Variants in SAFB observed in about 807,000 individuals in gnomAD.
SAFB encodes the protein scaffold attachment factor B.
Under a neutral mutation model 101.6 loss-of-function variants are expected in SAFB, and 15 were observed. The observed-to-expected ratio is 0.15, with a 90% CI of 0.10 to 0.23. The LOEUF is 0.23. SAFB is among the 10% of genes least tolerant of loss of function. The pLI is 1.00. For missense variants in SAFB, 930 were observed against 1,104.1 expected, an observed-to-expected ratio of 0.84 and a Z score of 2.23; for synonymous variants, 449 against 407.5, an observed-to-expected ratio of 1.10 and a Z score of -1.23.
chr19:5,653,819 C>T (rs1468778541), intron 11 of SAFB, among the ~76,000 whole-genome samples: 2 of 151,850 alleles, frequency 1.3e-5, no homozygotes, highest in African/African-American at 4.8e-5. Flanking sequence ...TGTGCAGTGG[C>T]AAGATCTCTT....
intron 16 of SAFB, 93 bp downstream of exon 16, chr19:5,664,252 G>A (rs760281072): frequency 1.7e-4 from 247 of 1,476,168 alleles, no homozygotes; most frequent in Non-Finnish European, 2.3e-4. Flanking sequence ...AACCCACTCC[G>A]TTCATCAGAT....
At chr19:5,642,175 T>C (rs1015815416) in intron 4 of SAFB, 2 of 581,904 alleles carry the variant, frequency 3.4e-6, no homozygotes, top group Non-Finnish European at 3.2e-6. Flanking sequence ...TATGAGACAT[T>C]TTGAGGACAA....
chr19:5,633,455 C>T (rs2053530922), intron 2 of SAFB, among the ~76,000 whole-genome samples: 1 of 152,172 alleles, frequency 6.6e-6, no homozygotes, highest in Admixed American at 6.5e-5. Flanking sequence ...CTTCCAGGTG[C>T]CCTGGGCCCT....
intron 17 of SAFB, chr19:5,666,823 T>C (rs1414104487): frequency 1.6e-6 from 1 of 619,012 alleles, no homozygotes. Flanking sequence ...TGGAGATGCC[T>C]TGGTACTAGT....
chr19:5,667,220 G>T lies in SAFB; in HGVS notation c.2453+56G>T, dbSNP rs1300391958. 1 of 1,222,064 alleles carries T rather than the reference G, an allele frequency of 8.2e-7. No individual in the cohort carries two copies. Among genetic ancestry groups the T allele is most frequent in the South Asian group, 1.4e-5 (1 of 70,864 alleles). 75.7% of individuals were successfully genotyped at this position (1,222,064 alleles called of 1,614,324 possible). On this transcript the variant is annotated intron_variant, in intron 18 of 20. Coordinates refer to ENST00000588852, the MANE Select transcript of SAFB (RefSeq NM_001201338.2). The surrounding 1 kb of genome is among the most constrained non-coding windows in gnomAD (Gnocchi z 4.0). ...CCCCCCCCCGCCCACAAGGGGGCCC[G>T]CAAGTCGCTGGGATGTGGGCACAGG...
rs745798237 is a variant in SAFB at position 5,667,106 on chromosome 19, G to A, written c.2395G>A (p.Gly799Arg). The A allele has an allele frequency of 6.2e-7, 1 of 1,612,936 alleles. No individual in the cohort carries two copies. Among genetic ancestry groups the A allele is most frequent in the Non-Finnish European group, 8.5e-7 (1 of 1,179,658 alleles). The change falls in exon 18 of 21, where the codon GGG (glycine) becomes AGG (arginine). Residue 799 changes from glycine (G) to arginine (R), a missense_variant. Transcript: ENST00000588852. This position sits in a 1 kb window ranked among gnomAD's most constrained non-coding sequence, Gnocchi z 4.0. The stretch of plus-strand genomic sequence containing the variant: ...CGGCCGGGACTCCCGCGATGGCTGG[G>A]GGGGCTATGGCTCTGACAAGAGGAT... ...RHGRDSRDGW[G>R]GYGSDKRMSE... is the part of the protein sequence containing the mutation.
intron 2 of SAFB, among the ~76,000 whole-genome samples, chr19:5,629,096 A>G (rs760377948): frequency 6.6e-6 from 1 of 152,194 alleles, no homozygotes; most frequent in Non-Finnish European, 1.5e-5. Context: ...TGCGCCCGGC[A>G]GGTTTTAAAA....
At chr19:5,658,933 T>A (rs1175856087) in intron 14 of SAFB, among the ~76,000 whole-genome samples, 1 of 151,888 alleles carries the variant, frequency 6.6e-6, no homozygotes, top group Non-Finnish European at 1.5e-5. Flanking sequence ...GATCACAAGG[T>A]CAGGAGTTCA....
chr19:5,651,559 C>T (rs1330381590), intron 9 of SAFB, among the ~76,000 whole-genome samples: 1 of 152,224 alleles, frequency 6.6e-6, no homozygotes. Flanking sequence ...GTTGCTGCCT[C>T]AGTTCACCAC....
chr19:5,626,450 T>C lies in SAFB; in HGVS notation c.235T>C (p.Ser79Pro). ...GGNPDEIEIT[S>P]EGNKKTSKRS... ...TAATCCTGACGAAATTGAAATTACC[T>C]CCGAGGGAAACAAGAAAACATCAAA... Residue 79 changes from serine to proline, a missense_variant, in exon 2 of 21, where the codon TCC becomes CCC. By Grantham distance (74) the Ser-to-Pro change is moderately conservative. This residue lies in a region of SAFB where 119 missense variants were observed against 171.4 expected (regional missense o/e 0.69). Transcript: ENST00000588852. 1 of 1,611,038 alleles carries C rather than the reference T, an allele frequency of 6.2e-7. No individual in the cohort carries two copies. The highest frequency in any genetic ancestry group is 1.1e-5 in the South Asian group (1 of 90,974).
intron 9 of SAFB, 69 bp from the exon 10 acceptor site, chr19:5,653,046 G>T: frequency 2.6e-6 from 4 of 1,520,528 alleles, no homozygotes; most frequent in South Asian, 1.2e-5. Context: ...TCCCTGTGGG[G>T]TGTTCATATC....
At chr19:5,661,069 G>A (rs1288372268) in intron 14 of SAFB, among the ~76,000 whole-genome samples, 11 of 149,538 alleles carry the variant, frequency 7.4e-5, no homozygotes, top group South Asian at 2.1e-4. Context: ...AGGTGCGTGC[G>A]TGCCACCATG....
chr19:5,641,340 T>C (rs1163312538), intron 2 of SAFB, among the ~76,000 whole-genome samples: 3 of 152,150 alleles, frequency 2.0e-5, no homozygotes, highest in African/African-American at 4.8e-5. Context: ...GGTCTGATCC[T>C]GTTCAACTTT....
Position 5,653,191 on chromosome 19 carries a change from C to G in SAFB, c.1370C>G (p.Ala457Gly). 6.2e-7 allele frequency: 1 copy of G among 1,614,090 alleles called. No homozygotes were observed. Among genetic ancestry groups the G allele is most frequent in the Non-Finnish European group, 8.5e-7 (1 of 1,180,022 alleles). ...TACGGTTTTGTCACGATGTCCACAG[C>G]AGAAGAGGCCACAAAATGCATTAAC... ...RCYGFVTMST[A>G]EEATKCINHL... is the part of the protein sequence containing the mutation. Residue 457 changes from alanine to glycine, a missense_variant, in exon 10 of 21, where the codon GCA (alanine) becomes GGA (glycine). Physicochemically the swap from Ala to Gly is moderately conservative, Grantham distance 60. Around this residue, in one of 7 missense-constraint regions of SAFB, gnomAD observed 68 missense variants for 122.1 expected, o/e 0.56. Transcript: ENST00000588852.
chr19:5,642,857 G>T (rs2053752873), intron 4 of SAFB, among the ~76,000 whole-genome samples: 1 of 151,596 alleles, frequency 6.6e-6, no homozygotes, highest in South Asian at 2.1e-4. Context: ...TAGTAGAGAC[G>T]GTTTTCACCA....
At position 5,641,762 on chromosome 19, in the gene SAFB, A is replaced by G. The variant is rs774767604; in HGVS notation, c.362A>G (p.Glu121Gly). 1 of 1,614,114 alleles carries G rather than the reference A, an allele frequency of 6.2e-7. No homozygotes were observed. Residue 121 changes from glutamate to glycine, a missense_variant, in exon 4 of 21, where the codon GAG (glutamate) becomes GGG (glycine). By Grantham distance (98) the Glu-to-Gly change is moderately conservative (BLOSUM62 -2). Around this residue, in one of 7 missense-constraint regions of SAFB, gnomAD observed 119 missense variants for 171.4 expected, o/e 0.69. Coordinates refer to ENST00000588852, the MANE Select transcript of SAFB (RefSeq NM_001201338.2). ...DGQEDVETSL[E>G]NLQDIDIMDI... is the part of the protein sequence containing the mutation. ...CAGGAGGATGTTGAGACCAGTCTGG[A>G]GAACTTGCAGGACATCGACATCATG...
chr19:5,624,929 A>G (rs547600128), intron 1 of SAFB, among the ~76,000 whole-genome samples: 7 of 152,266 alleles, frequency 4.6e-5, no homozygotes, highest in African/African-American at 1.7e-4. Context: ...CCATCAGCTA[A>G]GCCAAATTAA....
At chr19:5,624,338 G>A (rs558048613) in intron 1 of SAFB, among the ~76,000 whole-genome samples, 5 of 151,884 alleles carry the variant, frequency 3.3e-5, no homozygotes, top group Admixed American at 1.3e-4. Context: ...GTAAACACTC[G>A]GTGTGTGGTT....
At chr19:5,629,203 A>C (rs1416459495) in intron 2 of SAFB, among the ~76,000 whole-genome samples, 1 of 152,198 alleles carries the variant, frequency 6.6e-6, no homozygotes, top group Non-Finnish European at 1.5e-5. Flanking sequence ...TGTATGTACA[A>C]TGTTTAAAAG....
Sources: allele counts gnomAD v4.1 joint callset (sites outside exome capture counted in the v4.1 genomes callset), GRCh38; gene constraint gnomAD v4.1.1; regional missense constraint gnomAD v4.1.1; non-coding constraint Gnocchi (gnomAD v3.1); transcripts MANE v1.5; gene names NCBI Gene and HGNC (gene_info 2026-07-23, HGNC 2026-07-21).